MAGI2: variants seen among roughly 807,000 people sequenced by gnomAD.
MAGI2 encodes membrane-associated guanylate kinase, WW and PDZ domain-containing protein 2.
In MAGI2, 35 loss-of-function variants were observed where a neutral mutation model predicts 133.3. The ratio of observed to expected loss-of-function variants is 0.26; its 90% confidence interval spans 0.20 to 0.35. The LOEUF is 0.35. Ranked by LOEUF, MAGI2 falls within the 10% of genes least tolerant of loss-of-function variation. The probability of loss-of-function intolerance (pLI) is 1.00; values close to 1 mark genes in which losing one functional copy is unlikely to be tolerated. For synonymous variants in MAGI2, 729 were observed against 710.6 expected (o/e 1.03, Z -0.41); for missense variants, 1,636 against 1,863.4 (o/e 0.88, Z 2.25).
At chr7:78,306,470 C>T (rs1242573078) in intron 9 of MAGI2, among the ~76,000 whole-genome samples, 1 of 152,158 alleles carries the variant, frequency 6.6e-6, no homozygotes, top group South Asian at 2.1e-4. Context: ...CACATTCCAA[C>T]TATGTGCATA....
chr7:78,650,179 C>T (rs920812473), intron 2 of MAGI2, among the ~76,000 whole-genome samples: 5 of 152,156 alleles, frequency 3.3e-5, no homozygotes, highest in African/African-American at 1.2e-4. Context: ...CAACCGCAAG[C>T]ACTGATACTA....
At chr7:78,214,511 C>T (rs1788077671) in intron 10 of MAGI2, among the ~76,000 whole-genome samples, 2 of 152,206 alleles carry the variant, frequency 1.3e-5, no homozygotes, top group Non-Finnish European at 1.5e-5. Context: ...GAGACTTTGG[C>T]CTGATGTCAT....
At chr7:78,796,548 T>C (rs1787631115) in intron 2 of MAGI2, among the ~76,000 whole-genome samples, 1 of 152,190 alleles carries the variant, frequency 6.6e-6, no homozygotes, top group African/African-American at 2.4e-5. Flanking sequence ...GAATGTAATG[T>C]AGTGCAGTCA....
intron 6 of MAGI2, among the ~76,000 whole-genome samples, chr7:78,449,742 A>G (rs1788525334): frequency 6.6e-6 from 1 of 152,128 alleles, no homozygotes. Context: ...GAGGGGGCTC[A>G]TTTGCTAAAT....
At chr7:79,446,758 G>A (rs193014425) in intron 1 of MAGI2, among the ~76,000 whole-genome samples, 19 of 152,218 alleles carry the variant, frequency 1.2e-4, no homozygotes, top group Admixed American at 1.2e-3. Flanking sequence ...AGACCATCCT[G>A]GCTAACACGG....
At chr7:79,288,452 T>C (rs1426655596) in intron 1 of MAGI2, among the ~76,000 whole-genome samples, 2 of 152,200 alleles carry the variant, frequency 1.3e-5, no homozygotes, top group African/African-American at 4.8e-5. Context: ...TTACACTGTA[T>C]TTCATACAAC....
intron 1 of MAGI2, among the ~76,000 whole-genome samples, chr7:79,137,450 G>GT (rs376997399): frequency 0.045 from 5,967 of 133,250 alleles, 368 homozygotes; most frequent in African/African-American, 0.13. Context: ...GGTGTTTTTT[G>GT]TTTTTTTTTT....
In MAGI2 at chr7:78,597,810, T is replaced by C. The variant is rs552980589; in HGVS notation, c.538+29310A>G. 8.5e-5 allele frequency among the ~76,000 whole-genome samples: 13 copies of C among 152,274 alleles called. 1 individual carries two copies. The South Asian group carries it at 2.5e-3, about 29-fold the overall frequency. ...AAATATATCTTTACAAGGTTTCTTA[T>C]AGAATCTTCAATCCGATATTTCCAG... is the stretch of plus-strand genomic sequence containing the variant. On this transcript the variant is annotated intron_variant, in intron 3 of 21. Coordinates refer to ENST00000354212, the MANE Select transcript of MAGI2 (RefSeq NM_012301.4).
At chr7:78,505,864 G>T (rs940686636) in intron 4 of MAGI2, among the ~76,000 whole-genome samples, 7 of 151,654 alleles carry the variant, frequency 4.6e-5, no homozygotes, top group Non-Finnish European at 7.4e-5. Context: ...AACATCTAAG[G>T]GTTCTTTCAG....
intron 1 of MAGI2, among the ~76,000 whole-genome samples, chr7:79,149,396 G>A (rs185341383): frequency 1.3e-5 from 2 of 151,836 alleles, no homozygotes; most frequent in African/African-American, 2.4e-5. Context: ...TTTTGGATGC[G>A]TAACCTTTGC....
rs140509353 is a variant in MAGI2 at position 78,429,010 on chromosome 7, A to G, written c.1046-59797T>C. Among the ~76,000 whole-genome samples the G allele has an allele frequency of 9.2e-5, 14 of 152,316 alleles. No individual in the cohort carries two copies. In the East Asian group the frequency reaches 2.5e-3, roughly 27 times the overall value. On this transcript the variant is annotated intron_variant, in intron 6 of 21. Transcript: ENST00000354212. The stretch of plus-strand genomic sequence containing the variant: ...AACAAAAAGTTAGTGACTAAAGTAC[A>G]GAAGCATTAAGGTAGCACTTCAAAG...
intron 1 of MAGI2, among the ~76,000 whole-genome samples, chr7:79,217,694 T>C (rs1830126654): frequency 6.6e-6 from 1 of 152,050 alleles, no homozygotes; most frequent in Admixed American, 6.5e-5. Context: ...GAACAGGGCT[T>C]TATTTTAACC....
chr7:78,551,808 G>A (rs373970657), intron 3 of MAGI2, among the ~76,000 whole-genome samples: 19 of 152,202 alleles, frequency 1.2e-4, no homozygotes, highest in Admixed American at 9.2e-4. Flanking sequence ...GCAGCGGTGC[G>A]AACCTGGCTC....
At chr7:79,034,706 C>A (rs1810945262) in intron 1 of MAGI2, among the ~76,000 whole-genome samples, 4 of 114,990 alleles carry the variant, frequency 3.5e-5, no homozygotes, top group Non-Finnish European at 7.8e-5. Context: ...AGAGTGTGAC[C>A]AAAATGGCAG....
intron 2 of MAGI2, among the ~76,000 whole-genome samples, chr7:78,949,638 A>G (rs1801706875): frequency 6.6e-6 from 1 of 152,202 alleles, no homozygotes; most frequent in Non-Finnish European, 1.5e-5. Context: ...CAAAGTTTTT[A>G]TGTTGTATAA....
At chr7:78,879,358 C>G (rs1795669968) in intron 2 of MAGI2, among the ~76,000 whole-genome samples, 1 of 152,162 alleles carries the variant, frequency 6.6e-6, no homozygotes, top group Admixed American at 6.5e-5. Flanking sequence ...AATTATATAC[C>G]CATCTATGTT....
At chr7:78,389,172 T>A (rs1227165329) in intron 6 of MAGI2, among the ~76,000 whole-genome samples, 1 of 152,186 alleles carries the variant, frequency 6.6e-6, no homozygotes, top group African/African-American at 2.4e-5. Flanking sequence ...AGCAACTTAA[T>A]AGAGACACAA....
At chr7:78,819,772 T>C (rs972324986) in intron 2 of MAGI2, among the ~76,000 whole-genome samples, 1 of 152,012 alleles carries the variant, frequency 6.6e-6, no homozygotes, top group Admixed American at 6.6e-5. Flanking sequence ...CATTAACCCA[T>C]ACATGAAAGT....
rs376271565 is a variant in MAGI2, at chr7:78,287,324, GGGAAATGAATAGCTAAACATACTA to G, written c.1409-30767_1409-30744del. Among the ~76,000 whole-genome samples the G allele has an allele frequency of 8.3e-4, 127 of 152,274 alleles. 1 individual carries two copies. Among genetic ancestry groups the G allele is most frequent in the South Asian group, 4.6e-3 (22 of 4,828 alleles). On this transcript the variant is annotated intron_variant, in intron 9 of 21. Coordinates refer to ENST00000354212, the MANE Select transcript of MAGI2 (RefSeq NM_012301.4). ...AGAGCTAGTGTTAAGGTTCTAGCTT[GGGAAATGAATAGCTAAACATACTA>G]GGAAATGAATAGCTAAACATACTAT... is the stretch of plus-strand genomic sequence containing the variant.
Sources: gnomAD v4.1 joint callset for allele counts (sites outside exome capture counted in the v4.1 genomes callset) on GRCh38, gnomAD v4.1.1 for gene constraint, MANE v1.5 for transcripts, NCBI Gene and HGNC (gene_info 2026-07-23, HGNC 2026-07-21) for gene names.